NCAM2: variants seen among roughly 807,000 people sequenced by gnomAD.
NCAM2 encodes the protein neural cell adhesion molecule 2.
A neutral mutation model predicts 98.1 loss-of-function variants in NCAM2; 30 were observed. The ratio of observed to expected loss-of-function variants is 0.31; its 90% CI spans 0.23 to 0.41. The LOEUF (loss-of-function observed/expected upper bound fraction) is 0.41, where lower values mean the gene tolerates loss of function less well. NCAM2 is among the 10% of genes least tolerant of loss of function. The probability of loss-of-function intolerance (pLI) is 1.00; values close to 1 mark genes in which losing one functional copy is unlikely to be tolerated. For missense variants in NCAM2, 867 were observed against 1,005.8 expected (o/e 0.86, Z 1.87); for synonymous variants, 368 against 342.4 (o/e 1.07, Z -0.83).
At chr21:21,477,499 C>T (rs1985318942) in intron 15 of NCAM2, 28 bp downstream of exon 15, 1 of 1,521,388 alleles carries the variant, frequency 6.6e-7, no homozygotes, top group Non-Finnish European at 8.9e-7. Flanking sequence ...CTTTTTTAGA[C>T]TGAACAATAA....
At chr21:21,278,923 T>G (rs573242282) in intron 1 of NCAM2, among the ~76,000 whole-genome samples, 1 of 152,310 alleles carries the variant, frequency 6.6e-6, no homozygotes, top group South Asian at 2.1e-4. Context: ...TGAAATCTCA[T>G]GGGTTTATTT....
chr21:21,443,286 G>A (rs1210747588), intron 12 of NCAM2, among the ~76,000 whole-genome samples: 1 of 152,112 alleles, frequency 6.6e-6, no homozygotes, highest in Non-Finnish European at 1.5e-5. Context: ...AGGGGTGGGA[G>A]CCTGGGGAGG....
Position 21,448,748 on chromosome 21 carries a change from A to G in NCAM2, c.1654+16467A>G, listed in dbSNP as rs74460803. On this transcript the variant is annotated intron_variant, in intron 12 of 17. Coordinates refer to ENST00000400546, the MANE Select transcript of NCAM2 (RefSeq NM_004540.5). ...AATTGACTATAAAATTCATCTGACTATGTTAAATGAAACTGCAGTAAACTT... is the reference window on the plus strand; with the variant it reads ...AATTGACTATAAAATTCATCTGACTGTGTTAAATGAAACTGCAGTAAACTT... Among the ~76,000 whole-genome samples, 570 of 152,200 alleles carry G rather than the reference A, an allele frequency of 3.7e-3. 5 individuals are homozygous for G. The highest frequency in any genetic ancestry group is 0.012 in the African/African-American group (506 of 41,572).
intron 5 of NCAM2, among the ~76,000 whole-genome samples, chr21:21,304,559 A>G (rs917404087): frequency 6.6e-6 from 1 of 152,176 alleles, no homozygotes; most frequent in African/African-American, 2.4e-5. Context: ...TTTTCAAAGT[A>G]GTTTTAATAT....
chr21:21,050,861 G>A (rs1382967150), intron 1 of NCAM2, among the ~76,000 whole-genome samples: 1 of 152,122 alleles, frequency 6.6e-6, no homozygotes, highest in African/African-American at 2.4e-5. Flanking sequence ...ATTCTTTCTC[G>A]AGGTTGTAGG....
chr21:21,372,031 A>G lies in NCAM2; in HGVS notation c.1045-1832A>G, dbSNP rs2075928868. On this transcript the variant is annotated intron_variant, in intron 8 of 17. Transcript: ENST00000400546. ...AAAGTTTTGGAATACTGGCCACCTC[A>G]AATGTGCTGTGAACTCTAATTGGAT... 2.0e-5 allele frequency among the ~76,000 whole-genome samples: 3 copies of G among 151,792 alleles called. No individual in the cohort carries two copies. In the South Asian group the frequency reaches 6.2e-4, roughly 31 times the overall value.
intron 15 of NCAM2, among the ~76,000 whole-genome samples, chr21:21,483,768 T>C (rs1303274556): frequency 6.6e-6 from 1 of 152,012 alleles, no homozygotes; most frequent in Non-Finnish European, 1.5e-5. Flanking sequence ...AAAAAGTAAG[T>C]CTAAAAAATA....
At chr21:21,509,427 A>T (rs1318917388) in intron 16 of NCAM2, among the ~76,000 whole-genome samples, 1 of 152,184 alleles carries the variant, frequency 6.6e-6, no homozygotes, top group Non-Finnish European at 1.5e-5. Context: ...CAATAATCTG[A>T]GCTAAAAACT....
intron 17 of NCAM2, among the ~76,000 whole-genome samples, chr21:21,536,782 TAAAC>T (rs1172885366): frequency 1.3e-5 from 2 of 152,206 alleles, no homozygotes. Flanking sequence ...TACACAATAG[TAAAC>T]AATTGAATTT....
chr21:21,044,101 A>G (rs891892652), intron 1 of NCAM2, among the ~76,000 whole-genome samples: 7 of 152,152 alleles, frequency 4.6e-5, no homozygotes, highest in Non-Finnish European at 1.0e-4. Context: ...ACTGCAAAAC[A>G]TACTAATACA....
rs147296913 is a variant in NCAM2 at position 21,410,993 on chromosome 21, G to A, written c.1383+532G>A. Among the ~76,000 whole-genome samples the A allele has an allele frequency of 7.8e-3, 920 of 118,230 alleles. 4 individuals carry two copies. Among genetic ancestry groups the A allele is most frequent in the Non-Finnish European group, 0.012 (647 of 55,534 alleles). 77.6% of individuals were successfully genotyped at this position (118,230 alleles called of 152,430 possible). A position where few individuals can be genotyped will look rare whatever the true frequency, so the allele number is the denominator to read the frequency against. On this transcript the variant is annotated intron_variant, in intron 10 of 17. Transcript: ENST00000400546. ...CTGCACTCCAGCCTGGTGACAGAGC[G>A]AGACTCCGTCTTAAAAAAAAAAATA...
At chr21:21,268,460 C>G (rs1402578280) in intron 1 of NCAM2, among the ~76,000 whole-genome samples, 1 of 152,192 alleles carries the variant, frequency 6.6e-6, no homozygotes, top group Non-Finnish European at 1.5e-5. Context: ...AACGTTGATG[C>G]AGGATCACTG....
intron 11 of NCAM2, among the ~76,000 whole-genome samples, chr21:21,430,205 T>A (rs935558485): frequency 3.3e-5 from 5 of 151,686 alleles, no homozygotes; most frequent in African/African-American, 9.7e-5. Context: ...TTTTTTTTAT[T>A]TTTGTGGAAA....
chr21:21,422,118 G>A (rs773609559), intron 11 of NCAM2, among the ~76,000 whole-genome samples: 4 of 152,162 alleles, frequency 2.6e-5, no homozygotes, highest in Non-Finnish European at 5.9e-5. Flanking sequence ...TTGGGATCCA[G>A]AGAGGGTAAA....
intron 1 of NCAM2, among the ~76,000 whole-genome samples, chr21:21,213,340 A>G (rs1263723206): frequency 3.3e-5 from 5 of 152,166 alleles, no homozygotes; most frequent in Non-Finnish European, 4.4e-5. Context: ...TAGAGTTTAA[A>G]TTATTTTAGA....
At chr21:21,134,212 G>A (rs1440687081) in intron 1 of NCAM2, among the ~76,000 whole-genome samples, 1 of 151,928 alleles carries the variant, frequency 6.6e-6, no homozygotes, top group African/African-American at 2.4e-5. Flanking sequence ...GGGATTACAA[G>A]TGCACGCCAC....
intron 9 of NCAM2, among the ~76,000 whole-genome samples, chr21:21,406,371 T>C (rs1023704047): frequency 6.6e-6 from 1 of 152,142 alleles, no homozygotes; most frequent in African/African-American, 2.4e-5. Context: ...ACCACAATTG[T>C]GTTGAATGAA....
At chr21:21,037,024 A>G (rs2064814536) in intron 1 of NCAM2, among the ~76,000 whole-genome samples, 1 of 152,124 alleles carries the variant, frequency 6.6e-6, no homozygotes, top group African/African-American at 2.4e-5. Flanking sequence ...TCAAGTACCT[A>G]TATTTTGGGG....
chr21:21,430,749 A>C (rs2146020854), intron 11 of NCAM2, among the ~76,000 whole-genome samples: 1 of 152,066 alleles, frequency 6.6e-6, no homozygotes, highest in African/African-American at 2.4e-5. Flanking sequence ...GATTATGGGA[A>C]TTAAAAATCA....
Sources: allele counts gnomAD v4.1 joint callset (sites outside exome capture counted in the v4.1 genomes callset), GRCh38; gene constraint gnomAD v4.1.1; transcripts MANE v1.5; gene names NCBI Gene and HGNC (gene_info 2026-07-23, HGNC 2026-07-21).